ASIC2: variants seen among roughly 807,000 people sequenced by gnomAD.
ASIC2 encodes acid sensing ion channel subunit 2.
ASIC2 carries 25 observed loss-of-function variants against 57.3 expected under a neutral mutation model. That is an observed-to-expected ratio of 0.44 (90% CI 0.32 to 0.61). ASIC2 has a LOEUF of 0.61. Ranked by LOEUF, ASIC2 falls within the 20% of genes least tolerant of loss-of-function variation. The probability of loss-of-function intolerance (pLI) is 0.06; values close to 1 mark genes in which losing one functional copy is unlikely to be tolerated. For synonymous variants in ASIC2, 319 were observed against 307.5 expected (o/e 1.04, Z -0.39); for missense variants, 641 against 738.1 (o/e 0.87, Z 1.52).
chr17:33,096,763 G>A (rs1598272854), intron 2 of ASIC2, among the ~76,000 whole-genome samples: 1 of 152,332 alleles, frequency 6.6e-6, no homozygotes, highest in East Asian at 1.9e-4. Context: ...GAGGGTGTTT[G>A]TGTAGTAACC....
At chr17:33,755,480 C>G (rs1003150459) in intron 1 of ASIC2, among the ~76,000 whole-genome samples, 1 of 152,340 alleles carries the variant, frequency 6.6e-6, no homozygotes, top group South Asian at 2.1e-4. Flanking sequence ...TTCTGAGTCT[C>G]TCTTTGGGAT....
In ASIC2 at chr17:33,353,885, A is replaced by G. The variant is rs1017857392; in HGVS notation, c.556-241818T>C. Among the ~76,000 whole-genome samples the G allele has an allele frequency of 3.3e-5, 5 of 152,292 alleles. 1 individual carries two copies. The Middle Eastern group carries it at 0.01, about 311-fold the overall frequency. On this transcript the variant is annotated intron_variant, in intron 1 of 9. Transcript: ENST00000359872. ...GCTATACTTGCCATGTGTATCTTAG[A>G]GTATTAGCCCATTCTCTTGCTGTGA... is the stretch of plus-strand genomic sequence containing the variant.
At chr17:34,086,347 T>C (rs887341314) in intron 1 of ASIC2, among the ~76,000 whole-genome samples, 13 of 152,164 alleles carry the variant, frequency 8.5e-5, no homozygotes, top group Non-Finnish European at 1.3e-4. Flanking sequence ...AGTTGAGCGG[T>C]TTTGAGTGAG....
At chr17:33,739,113 C>T (rs1910016603) in intron 1 of ASIC2, among the ~76,000 whole-genome samples, 1 of 152,312 alleles carries the variant, frequency 6.6e-6, no homozygotes, top group South Asian at 2.1e-4. Flanking sequence ...TTCTAAGATG[C>T]AATGCTCTAT....
rs1905502929 is a variant in ASIC2 at position 33,292,136 on chromosome 17, G to A, written c.-21C>T. 1.9e-6 allele frequency: 2 copies of A among 1,034,368 alleles called. No individual in the cohort carries two copies. The highest frequency in any genetic ancestry group is 2.3e-6 in the Non-Finnish European group (2 of 863,938). 64.1% of individuals were successfully genotyped at this position (1,034,368 alleles called of 1,614,324 possible). On this transcript the variant is annotated 5_prime_UTR_variant, in exon 1 of 10. Coordinates refer to ENST00000225823, the MANE Select transcript of ASIC2 (RefSeq NM_183377.2). ...CTCATTCATTCAGCCCGCGGCTGGC[G>A]GCAGCGGCGGCGGCCCCGGCCGGGC...
intron 1 of ASIC2, among the ~76,000 whole-genome samples, chr17:33,594,584 T>C (rs1212998493): frequency 6.6e-6 from 1 of 152,146 alleles, no homozygotes; most frequent in Admixed American, 6.5e-5. Flanking sequence ...ATCCCAGCAC[T>C]GTGGGAGGCT....
At chr17:33,346,700 T>C (rs987931251) in intron 1 of ASIC2, among the ~76,000 whole-genome samples, 4 of 152,100 alleles carry the variant, frequency 2.6e-5, no homozygotes, top group African/African-American at 9.7e-5. Context: ...GCTGAAGATA[T>C]AGATCTGGGA....
chr17:33,840,519 C>T lies in ASIC2; in HGVS notation c.555+315459G>A, dbSNP rs143239670. Among the ~76,000 whole-genome samples, 46 of 152,260 alleles carry T rather than the reference C, an allele frequency of 3.0e-4. No homozygotes were observed. The East Asian group carries it at 8.1e-3, about 27-fold the overall frequency. ...GTGAGTGGAGAAGTAGGAGATGTTC[C>T]CGCTCTCCATGGACCTTCAGTGCTG... On this transcript the variant is annotated intron_variant, in intron 1 of 9. Coordinates refer to the ASIC2 transcript ENST00000359872.
At chr17:33,907,125 T>G (rs28380291) in intron 1 of ASIC2, among the ~76,000 whole-genome samples, 1 of 151,782 alleles carries the variant, frequency 6.6e-6, no homozygotes, top group Non-Finnish European at 1.5e-5. Flanking sequence ...CTCAACCCAA[T>G]AGGCCAGGCA....
chr17:33,017,797 T>C, intron 7 of ASIC2, 113 bp from the exon 8 acceptor site: 3 of 937,150 alleles, frequency 3.2e-6, no homozygotes, highest in Non-Finnish European at 4.9e-6. Context: ...ATGGGGAGCC[T>C]GGGCCTTGTT....
At chr17:33,641,007 A>G (rs770931127) in intron 1 of ASIC2, among the ~76,000 whole-genome samples, 18 of 152,100 alleles carry the variant, frequency 1.2e-4, no homozygotes, top group East Asian at 1.9e-4. Flanking sequence ...CATAGACCCT[A>G]TGGGAGAAGG....
chr17:33,803,597 T>C (rs1023013491), intron 1 of ASIC2, among the ~76,000 whole-genome samples: 34 of 150,796 alleles, frequency 2.3e-4, no homozygotes, highest in Non-Finnish European at 4.2e-4. Context: ...TTTTTTTTTT[T>C]TTTTTTTTTT....
chr17:33,974,681 C>T (rs1905321950), intron 1 of ASIC2, among the ~76,000 whole-genome samples: 1 of 151,864 alleles, frequency 6.6e-6, no homozygotes, highest in Non-Finnish European at 1.5e-5. Context: ...CCCATGAATT[C>T]CTCCATCCTA....
intron 1 of ASIC2, among the ~76,000 whole-genome samples, chr17:33,579,921 A>C (rs1295554703): frequency 6.9e-6 from 1 of 144,496 alleles, no homozygotes; most frequent in African/African-American, 2.5e-5. Flanking sequence ...TTTTACAGAG[A>C]GCTGATTGGT....
intron 1 of ASIC2, among the ~76,000 whole-genome samples, chr17:33,630,240 C>T (rs573254239): frequency 6.6e-6 from 1 of 152,258 alleles, no homozygotes; most frequent in African/African-American, 2.4e-5. Context: ...CCTTCCTTCC[C>T]CATCTCACAT....
intron 3 of ASIC2, among the ~76,000 whole-genome samples, chr17:33,064,796 G>A (rs1047807684): frequency 5.3e-5 from 8 of 152,158 alleles, no homozygotes; most frequent in Admixed American, 2.0e-4. Flanking sequence ...GTTCCTATTC[G>A]GCCATCTTGG....
At chr17:33,863,926 G>A (rs927895652) in intron 1 of ASIC2, among the ~76,000 whole-genome samples, 1 of 143,570 alleles carries the variant, frequency 7.0e-6, no homozygotes, top group African/African-American at 2.6e-5. Flanking sequence ...TTTTTGAGAT[G>A]GAGTTTCGCT....
intron 1 of ASIC2, among the ~76,000 whole-genome samples, chr17:33,281,867 T>C (rs1250582409): frequency 6.6e-6 from 1 of 152,184 alleles, no homozygotes; most frequent in Non-Finnish European, 1.5e-5. Context: ...ACATAATACC[T>C]GGCAAAGCTG....
chr17:33,103,109 C>T (rs2092220145), intron 2 of ASIC2, among the ~76,000 whole-genome samples: 1 of 152,166 alleles, frequency 6.6e-6, no homozygotes, highest in Non-Finnish European at 1.5e-5. Context: ...ATTTATTCTT[C>T]TCTGAAATTT....
Sources: gnomAD v4.1 joint callset for allele counts (sites outside exome capture counted in the v4.1 genomes callset) on GRCh38, gnomAD v4.1.1 for gene constraint, MANE v1.5 for transcripts, NCBI Gene and HGNC (gene_info 2026-07-23, HGNC 2026-07-21) for gene names.